Variants in CPED1 observed in about 807,000 individuals in gnomAD.
CPED1 encodes the protein cadherin like and PC-esterase domain containing 1.
Under a neutral mutation model 128.2 loss-of-function variants are expected in CPED1, and 114 were observed. The ratio of observed to expected loss-of-function variants is 0.89; its 90% CI spans 0.76 to 1.04. The LOEUF (loss-of-function observed/expected upper bound fraction) is 1.04, where lower values mean the gene tolerates loss of function less well. Among genes scored for constraint, CPED1 ranks in the 50% least tolerant of loss-of-function variants. The probability of loss-of-function intolerance (pLI) is 0.00; values close to 1 mark genes in which losing one functional copy is unlikely to be tolerated. For missense variants in CPED1, 1,211 were observed against 1,207.1 expected (o/e 1.00, Z -0.05); for synonymous variants, 462 against 426.7 (o/e 1.08, Z -1.02).
intron 16 of CPED1, among the ~76,000 whole-genome samples, chr7:121,176,050 T>A (rs1796768924): frequency 6.6e-6 from 1 of 151,872 alleles, no homozygotes; most frequent in Non-Finnish European, 1.5e-5. Context: ...GGTGATTTAG[T>A]ATGACAAGTA....
At chr7:121,035,334 A>AT (rs1242682016) in intron 3 of CPED1, among the ~76,000 whole-genome samples, 1 of 152,234 alleles carries the variant, frequency 6.6e-6, no homozygotes, top group Non-Finnish European at 1.5e-5. Flanking sequence ...AAGCAGGAAG[A>AT]CTAGCTAGAA....
At position 121,099,284 on chromosome 7, in the gene CPED1, G is replaced by A. The variant is rs147487631; in HGVS notation, c.750-642G>A. Among the ~76,000 whole-genome samples, 1,141 of 151,698 alleles carry A rather than the reference G, an allele frequency of 7.5e-3. 7 individuals carry two copies. Among genetic ancestry groups the A allele is most frequent in the Middle Eastern group, 0.014 (4 of 294 alleles). ...ATGGTATCATGCATCTGAGGTCACG[G>A]GTACTGTAACTAATTTATATATTTA... On this transcript the variant is annotated intron_variant, in intron 6 of 22. Coordinates refer to ENST00000310396, the MANE Select transcript of CPED1 (RefSeq NM_024913.5).
At chr7:121,017,877 A>G (rs1792340644) in intron 3 of CPED1, among the ~76,000 whole-genome samples, 1 of 152,156 alleles carries the variant, frequency 6.6e-6, no homozygotes, top group Non-Finnish European at 1.5e-5. Context: ...GCGGCATAAG[A>G]TAACTATATA....
Position 121,124,460 on chromosome 7 carries a change from A to G in CPED1, c.1048A>G (p.Lys350Glu), listed in dbSNP as rs748643141. The G allele has an allele frequency of 4.5e-5, 69 of 1,525,696 alleles. No homozygotes were observed. The highest frequency in any genetic ancestry group is 5.7e-5 in the Non-Finnish European group (65 of 1,136,468). The allele number at this position is 1,525,696 out of a possible 1,614,324, so 94.5% of individuals were successfully genotyped here. ...CAGTGAAACATCTACTCTGGGACCAAAGACCTTCCATAGGTAAAAAACAAA... is the reference window on the plus strand; with the variant it reads ...CAGTGAAACATCTACTCTGGGACCAGAGACCTTCCATAGGTAAAAAACAAA... The part of the protein sequence containing the change: ...VFSETSTLGP[K>E]TFHRCRFCFQ... The change falls in exon 8 of 23, where the codon AAG becomes GAG. Residue 350 changes from lysine (K) to glutamate (E), a missense_variant. Physicochemically the swap from Lys to Glu is moderately conservative, Grantham distance 56. Coordinates refer to ENST00000310396, the MANE Select transcript of CPED1 (RefSeq NM_024913.5).
At chr7:121,264,355 A>C (rs2116741461) in intron 18 of CPED1, among the ~76,000 whole-genome samples, 1 of 152,226 alleles carries the variant, frequency 6.6e-6, no homozygotes, top group East Asian at 1.9e-4. Context: ...AAATGTAGAC[A>C]AGAAAATCAA....
intron 16 of CPED1, among the ~76,000 whole-genome samples, chr7:121,150,345 T>A (rs1021547796): frequency 2.6e-5 from 4 of 151,994 alleles, no homozygotes; most frequent in Non-Finnish European, 1.5e-5. Flanking sequence ...GATGATGGCC[T>A]CCAGCTGCAT....
chr7:121,288,601 T>G (rs1021737464), intron 22 of CPED1, among the ~76,000 whole-genome samples: 3 of 152,232 alleles, frequency 2.0e-5, no homozygotes, highest in African/African-American at 7.2e-5. Context: ...TATATCCCAT[T>G]TATGAATCAC....
rs77075159 is a variant in CPED1, at chr7:121,053,117, T to C, written c.540+6124T>C. Among the ~76,000 whole-genome samples the C allele has an allele frequency of 1.9e-3, 291 of 152,330 alleles. 1 individual carries two copies. The highest frequency in any genetic ancestry group is 6.6e-3 in the African/African-American group (276 of 41,574). ...CCTTTCACTGAGCTTACTTTAATGTTAAATCTTACATAACCATGGTACTTT... is the reference window on the plus strand; with the variant it reads ...CCTTTCACTGAGCTTACTTTAATGTCAAATCTTACATAACCATGGTACTTT... On this transcript the variant is annotated intron_variant, in intron 4 of 22. Coordinates refer to ENST00000310396, the MANE Select transcript of CPED1 (RefSeq NM_024913.5).
At chr7:121,100,143 A>C (rs762055654) in intron 7 of CPED1, 49 bp downstream of exon 7, 47 of 1,551,122 alleles carry the variant, frequency 3.0e-5, no homozygotes, top group Non-Finnish European at 3.5e-5. Context: ...ACTGAAGTAA[A>C]GTAAAGTGAG....
chr7:121,040,515 T>C (rs1793022300), intron 3 of CPED1, among the ~76,000 whole-genome samples: 1 of 152,068 alleles, frequency 6.6e-6, no homozygotes, highest in Non-Finnish European at 1.5e-5. Context: ...ATCCAACTAA[T>C]CTTGTAGTGG....
At chr7:121,156,009 A>C (rs994407241) in intron 16 of CPED1, among the ~76,000 whole-genome samples, 1 of 152,242 alleles carries the variant, frequency 6.6e-6, no homozygotes, top group Admixed American at 6.5e-5. Flanking sequence ...ATAGCAAAAA[A>C]ATAAATCTGA....
At chr7:121,286,398 T>A (rs923820907) in intron 22 of CPED1, among the ~76,000 whole-genome samples, 1 of 152,110 alleles carries the variant, frequency 6.6e-6, no homozygotes, top group Non-Finnish European at 1.5e-5. Context: ...TCCCCAGGGG[T>A]TCCTCAGTGT....
At chr7:121,020,619 G>C (rs1792415793) in intron 3 of CPED1, among the ~76,000 whole-genome samples, 1 of 151,804 alleles carries the variant, frequency 6.6e-6, no homozygotes, top group African/African-American at 2.4e-5. Context: ...AAAAGGATTT[G>C]AAGGTTTACA....
chr7:121,119,788 A>G (rs1795343602), intron 7 of CPED1, among the ~76,000 whole-genome samples: 2 of 152,026 alleles, frequency 1.3e-5, no homozygotes, highest in African/African-American at 4.8e-5. Context: ...CTTTTTGCAC[A>G]ACTGAAATTA....
intron 5 of CPED1, among the ~76,000 whole-genome samples, chr7:121,075,299 A>G (rs1460470214): frequency 6.6e-6 from 1 of 152,188 alleles, no homozygotes; most frequent in African/African-American, 2.4e-5. Context: ...CACTGGAAAT[A>G]CTTGTGCTCA....
chr7:121,249,391 A>G (rs1412505476), intron 18 of CPED1, among the ~76,000 whole-genome samples: 6 of 152,170 alleles, frequency 3.9e-5, no homozygotes, highest in Non-Finnish European at 1.5e-5. Flanking sequence ...CACCAAGATC[A>G]ATATAAAAGA....
chr7:121,189,843 A>G (rs1181636811), intron 16 of CPED1, among the ~76,000 whole-genome samples: 1 of 140,054 alleles, frequency 7.1e-6, no homozygotes, highest in East Asian at 2.0e-4. Context: ...CTCTGCATCC[A>G]TTTAGGAAAT....
intron 22 of CPED1, among the ~76,000 whole-genome samples, chr7:121,292,193 A>G (rs1210263640): frequency 6.6e-6 from 1 of 151,822 alleles, no homozygotes; most frequent in African/African-American, 2.4e-5. Flanking sequence ...TATTTCTTGG[A>G]GGCTTTGTTC....
At chr7:121,213,820 C>T (rs188552197) in intron 16 of CPED1, among the ~76,000 whole-genome samples, 13 of 152,028 alleles carry the variant, frequency 8.6e-5, no homozygotes, top group Admixed American at 6.6e-4. Context: ...ATGTTAACAT[C>T]TTGCATGACC....
Sources: gnomAD v4.1 joint callset for allele counts (sites outside exome capture counted in the v4.1 genomes callset) on GRCh38, gnomAD v4.1.1 for gene constraint, MANE v1.5 for transcripts, NCBI Gene and HGNC (gene_info 2026-07-23, HGNC 2026-07-21) for gene names.